Variants in MTMR7 observed in about 807,000 individuals in gnomAD.
MTMR7 encodes myotubularin related protein 7.
A neutral mutation model predicts 81.2 loss-of-function variants in MTMR7; 76 were observed. That is an observed-to-expected ratio of 0.94 (90% CI 0.78 to 1.13). MTMR7 has a LOEUF of 1.13. Among genes scored for constraint, MTMR7 ranks in the 50% most tolerant of loss-of-function variants. MTMR7 has a pLI of 0.00. For missense variants in MTMR7, 1,044 were observed against 820.0 expected (o/e 1.27, Z -3.34); for synonymous variants, 372 against 289.8 (o/e 1.28, Z -2.88).
At chr8:17,333,895 CA>C (rs1819135845) in intron 6 of MTMR7, among the ~76,000 whole-genome samples, 1 of 151,776 alleles carries the variant, frequency 6.6e-6, no homozygotes, top group South Asian at 2.1e-4. Flanking sequence ...AGGGTTATCC[CA>C]GGCAGAGATA....
intron 5 of MTMR7, among the ~76,000 whole-genome samples, chr8:17,348,566 AAACG>A (rs1258682430): frequency 6.9e-6 from 1 of 144,414 alleles, no homozygotes; most frequent in African/African-American, 2.7e-5. Flanking sequence ...AAAAAAAAAA[AAACG>A]TAATAGAGAA....
Position 17,299,167 on chromosome 8 carries a change from C to A in MTMR7, c.*695G>T, listed in dbSNP as rs1027331622. ...ATGAATGTTGCTTCTACCTCGTTAG[C>A]TATTAAATCAGTGTTAGAGAAAAAG... On this transcript the variant is annotated 3_prime_UTR_variant, in exon 14 of 14. Transcript: ENST00000180173. The A allele has an allele frequency of 2.0e-5, 3 of 152,070 alleles. No homozygotes were observed. The highest frequency in any genetic ancestry group is 7.2e-5 in the African/African-American group (3 of 41,408). 9.4% of individuals were successfully genotyped at this position (152,070 alleles called of 1,614,324 possible). A position where few individuals can be genotyped will look rare whatever the true frequency, so the allele number is the denominator to read the frequency against.
At chr8:17,384,008 A>T (rs1041249801) in intron 1 of MTMR7, among the ~76,000 whole-genome samples, 3 of 152,336 alleles carry the variant, frequency 2.0e-5, no homozygotes, top group African/African-American at 7.2e-5. Context: ...TTGCTAAAAA[A>T]AGATGTTTCA....
intron 1 of MTMR7, among the ~76,000 whole-genome samples, chr8:17,375,480 G>GT (rs372246791): frequency 0.27 from 36,977 of 136,470 alleles, 4,776 homozygotes; most frequent in East Asian, 0.4. Context: ...ACTAGCTTAT[G>GT]TTTTTTTTTT....
Position 17,309,055 on chromosome 8 carries a change from C to G in MTMR7, c.1151+222G>C, listed in dbSNP as rs138854361. ...AATGAACAAGCATTCTCTGTCTCTT[C>G]TAGAACAAGTTAACATTAGTTAGTT... On this transcript the variant is annotated intron_variant, in intron 10 of 13. Transcript: ENST00000180173. 7.7e-4 allele frequency among the ~76,000 whole-genome samples: 117 copies of G among 152,322 alleles called. 2 individuals are homozygous for G. The highest frequency in any genetic ancestry group is 2.8e-3 in the African/African-American group (116 of 41,574).
intron 12 of MTMR7, among the ~76,000 whole-genome samples, chr8:17,302,927 T>C (rs1021148300): frequency 2.0e-5 from 3 of 151,932 alleles, no homozygotes; most frequent in Admixed American, 1.3e-4. Context: ...GTCAGGTTGG[T>C]CATGAACTCC....
chr8:17,306,963 C>G (rs995782731), intron 10 of MTMR7, among the ~76,000 whole-genome samples: 1 of 152,144 alleles, frequency 6.6e-6, no homozygotes, highest in Non-Finnish European at 1.5e-5. Context: ...CAATACCATT[C>G]AGGACATAGG....
chr8:17,336,756 G>A (rs1819251438), intron 6 of MTMR7, among the ~76,000 whole-genome samples: 1 of 152,120 alleles, frequency 6.6e-6, no homozygotes, highest in African/African-American at 2.4e-5. Context: ...CACCCCCTCC[G>A]CTGGCCCTGG....
intron 3 of MTMR7, among the ~76,000 whole-genome samples, chr8:17,369,102 C>T (rs57581497): frequency 0.081 from 12,376 of 152,176 alleles, 1,589 homozygotes; most frequent in African/African-American, 0.27. Context: ...TTAATCCGCT[C>T]AGAGCACATT....
At chr8:17,374,404 C>T (rs1011065122) in intron 1 of MTMR7, among the ~76,000 whole-genome samples, 13 of 151,544 alleles carry the variant, frequency 8.6e-5, no homozygotes, top group African/African-American at 1.2e-4. Context: ...AGGTGGATCA[C>T]GAGGTAAAGA....
intron 3 of MTMR7, among the ~76,000 whole-genome samples, chr8:17,364,816 A>G (rs919801556): frequency 1.3e-5 from 2 of 152,188 alleles, no homozygotes; most frequent in South Asian, 2.1e-4. Context: ...TCTTCATCCA[A>G]TGATGGATAC....
chr8:17,325,536 C>G (rs896283738), intron 7 of MTMR7, among the ~76,000 whole-genome samples: 1 of 152,166 alleles, frequency 6.6e-6, no homozygotes, highest in Non-Finnish European at 1.5e-5. Flanking sequence ...ATCTGCTTGG[C>G]CCCCTTTCAT....
At chr8:17,301,339 G>A (rs1157809862) in intron 13 of MTMR7, among the ~76,000 whole-genome samples, 5 of 152,152 alleles carry the variant, frequency 3.3e-5, no homozygotes, top group African/African-American at 1.2e-4. Flanking sequence ...CAGGGAGGAA[G>A]GAACATTTTA....
rs917854594 is a variant in MTMR7, at chr8:17,308,577, CTAAATT to C, written c.1151+694_1151+699del. ...ATATCAAACTAATGAAACTTGCTGC[CTAAATT>C]TAAATTTTATCACCAAAGACTAAAC... is the stretch of plus-strand genomic sequence containing the variant. On this transcript the variant is annotated intron_variant, in intron 10 of 13. Coordinates refer to ENST00000180173, the MANE Select transcript of MTMR7 (RefSeq NM_004686.5). 3.3e-5 allele frequency among the ~76,000 whole-genome samples: 5 copies of C among 152,136 alleles called. No homozygotes were observed. The South Asian group carries it at 6.2e-4, about 19-fold the overall frequency.
chr8:17,336,990 C>G lies in MTMR7; in HGVS notation c.732+4373G>C, dbSNP rs190855071. ...TGAGACCCTGGGCAAATTACTTAAC[C>G]TCTTTAAGTTCTAGCCCTTATCCAT... On this transcript the variant is annotated intron_variant, in intron 6 of 13. Transcript: ENST00000180173. Among the ~76,000 whole-genome samples, 74 of 152,306 alleles carry G rather than the reference C, an allele frequency of 4.9e-4. No individual in the cohort carries two copies. The East Asian group carries it at 8.9e-3, about 18-fold the overall frequency.
intron 7 of MTMR7, among the ~76,000 whole-genome samples, chr8:17,318,051 A>C (rs1293950476): frequency 6.6e-6 from 1 of 152,026 alleles, no homozygotes; most frequent in Non-Finnish European, 1.5e-5. Context: ...GACTCCCTAC[A>C]TCAAACTGAG....
At chr8:17,315,634 G>T (rs929566800) in intron 7 of MTMR7, among the ~76,000 whole-genome samples, 26 of 151,916 alleles carry the variant, frequency 1.7e-4, no homozygotes, top group African/African-American at 5.8e-4. Context: ...CTCTTAAAAA[G>T]AAAAAGTCTT....
chr8:17,332,618 G>A (rs1337728495), intron 6 of MTMR7, among the ~76,000 whole-genome samples: 2 of 152,202 alleles, frequency 1.3e-5, no homozygotes, highest in Non-Finnish European at 2.9e-5. Flanking sequence ...TGCCGCTGCT[G>A]CTGCCCAGCA....
intron 3 of MTMR7, among the ~76,000 whole-genome samples, chr8:17,368,227 G>C (rs1820295459): frequency 6.6e-6 from 1 of 152,136 alleles, no homozygotes; most frequent in Admixed American, 6.5e-5. Context: ...TCTCACAGGA[G>C]GTAGAGCTCA....
Sources: allele counts gnomAD v4.1 joint callset (sites outside exome capture counted in the v4.1 genomes callset), GRCh38; gene constraint gnomAD v4.1.1; transcripts MANE v1.5; gene names NCBI Gene and HGNC (gene_info 2026-07-23, HGNC 2026-07-21).